XYLT1: variants seen among roughly 807,000 people sequenced by gnomAD.
XYLT1 encodes beta-D-xylosyltransferase 1.
Under a neutral mutation model 91.3 loss-of-function variants are expected in XYLT1, and 36 were observed. The ratio of observed to expected loss-of-function variants is 0.39; its 90% CI spans 0.30 to 0.52. The LOEUF is 0.52. Ranked by LOEUF, XYLT1 falls within the 20% of genes least tolerant of loss-of-function variation. XYLT1 has a pLI of 0.68. For missense variants in XYLT1, 1,242 were observed against 1,284.5 expected, an observed-to-expected ratio of 0.97 and a Z score of 0.51; for synonymous variants, 588 against 532.0, an observed-to-expected ratio of 1.11 and a Z score of -1.45.
At chr16:17,224,117 G>C (rs1597204471) in intron 3 of XYLT1, among the ~76,000 whole-genome samples, 1 of 152,162 alleles carries the variant, frequency 6.6e-6, no homozygotes, top group East Asian at 1.9e-4. Flanking sequence ...AAATGGAAAG[G>C]AAATACTGAA....
chr16:17,173,320 G>A (rs576664866), intron 5 of XYLT1, among the ~76,000 whole-genome samples: 2 of 152,356 alleles, frequency 1.3e-5, no homozygotes, highest in African/African-American at 4.8e-5. Context: ...TATGAGTCAC[G>A]TGCTGTTTCA....
chr16:17,409,572 T>C (rs190073891), intron 1 of XYLT1, among the ~76,000 whole-genome samples: 7 of 142,562 alleles, frequency 4.9e-5, no homozygotes, highest in Admixed American at 7.4e-5. Flanking sequence ...TTTTTTTAGA[T>C]GGAGTCTCAC....
intron 3 of XYLT1, among the ~76,000 whole-genome samples, chr16:17,218,170 A>T (rs4780709): frequency 0.29 from 43,451 of 151,656 alleles, 7,381 homozygotes; most frequent in East Asian, 0.53. Context: ...AGGCAGGAGA[A>T]CTGCTTGAAC....
intron 3 of XYLT1, among the ~76,000 whole-genome samples, chr16:17,234,743 A>C (rs1441945816): frequency 6.7e-6 from 1 of 148,888 alleles, no homozygotes; most frequent in Non-Finnish European, 1.5e-5. Context: ...TGCAACCCTA[A>C]GGTTCAAGTC....
At chr16:17,254,351 T>C (rs185304411) in intron 3 of XYLT1, among the ~76,000 whole-genome samples, 25 of 152,314 alleles carry the variant, frequency 1.6e-4, no homozygotes, top group African/African-American at 6.0e-4. Context: ...CTCCTCCTTA[T>C]GATTTTCTTA....
chr16:17,438,317 A>C (rs1441494378), intron 1 of XYLT1, among the ~76,000 whole-genome samples: 1 of 152,200 alleles, frequency 6.6e-6, no homozygotes, highest in Non-Finnish European at 1.5e-5. Flanking sequence ...TATTTCATTC[A>C]ATATGGTAAT....
intron 5 of XYLT1, among the ~76,000 whole-genome samples, chr16:17,164,570 C>T (rs2031634736): frequency 6.6e-6 from 1 of 152,138 alleles, no homozygotes; most frequent in African/African-American, 2.4e-5. Flanking sequence ...CATTCTACTT[C>T]CTCTCTGCTA....
intron 2 of XYLT1, among the ~76,000 whole-genome samples, chr16:17,290,240 T>G (rs2034201226): frequency 6.6e-6 from 1 of 152,266 alleles, no homozygotes; most frequent in Non-Finnish European, 1.5e-5. Context: ...TTAGGGTTAG[T>G]GTCAAACTTT....
At chr16:17,157,355 C>T (rs1355881623) in intron 6 of XYLT1, among the ~76,000 whole-genome samples, 2 of 151,896 alleles carry the variant, frequency 1.3e-5, no homozygotes, top group African/African-American at 4.8e-5. Context: ...AAATGACACT[C>T]CCACCAACAA....
At chr16:17,337,088 G>A (rs1424958311) in intron 2 of XYLT1, among the ~76,000 whole-genome samples, 1 of 152,132 alleles carries the variant, frequency 6.6e-6, no homozygotes, top group African/African-American at 2.4e-5. Context: ...AGTACAGGGT[G>A]GGTTTTTTGG....
chr16:17,399,287 C>G (rs2035933478), intron 1 of XYLT1, among the ~76,000 whole-genome samples: 1 of 152,090 alleles, frequency 6.6e-6, no homozygotes, highest in Non-Finnish European at 1.5e-5. Flanking sequence ...CTCCTCCCCA[C>G]AAAGGGTAAA....
intron 2 of XYLT1, among the ~76,000 whole-genome samples, chr16:17,288,950 A>G (rs555440536): frequency 6.6e-6 from 1 of 152,346 alleles, no homozygotes; most frequent in South Asian, 2.1e-4. Flanking sequence ...TACAATAAAT[A>G]GATTTTTTTA....
At chr16:17,335,528 T>TA (rs1469951528) in intron 2 of XYLT1, among the ~76,000 whole-genome samples, 1 of 150,394 alleles carries the variant, frequency 6.6e-6, no homozygotes, top group African/African-American at 2.5e-5. Context: ...ATATCTCTAC[T>TA]AAAAATACAA....
intron 3 of XYLT1, among the ~76,000 whole-genome samples, chr16:17,245,813 C>T (rs2033426849): frequency 6.6e-6 from 1 of 152,160 alleles, no homozygotes; most frequent in African/African-American, 2.4e-5. Flanking sequence ...TACACTAACA[C>T]AAATATACCA....
At chr16:17,307,073 T>TTTG (rs560076174) in intron 2 of XYLT1, among the ~76,000 whole-genome samples, 2,011 of 151,894 alleles carry the variant, frequency 0.013, 38 homozygotes, top group African/African-American at 0.044. Flanking sequence ...TTGTGGGGTT[T>TTTG]TTGTTGTTGT....
chr16:17,187,559 G>C (rs1444869691), intron 5 of XYLT1, among the ~76,000 whole-genome samples: 1 of 96,802 alleles, frequency 1.0e-5, no homozygotes, highest in Non-Finnish European at 1.8e-5. Context: ...AGAGCCAAAC[G>C]CTGTCTCAAA....
intron 2 of XYLT1, among the ~76,000 whole-genome samples, chr16:17,346,698 T>G (rs757691548): frequency 4.9e-4 from 74 of 152,342 alleles, no homozygotes; most frequent in Admixed American, 9.1e-4. Flanking sequence ...TGCCTGATTC[T>G]AACTGGGCCA....
chr16:17,176,304 A>T (rs1567308828), intron 5 of XYLT1, among the ~76,000 whole-genome samples: 1 of 152,200 alleles, frequency 6.6e-6, no homozygotes, highest in African/African-American at 2.4e-5. Flanking sequence ...CATCACTATC[A>T]TCGTTTCTCG....
intron 6 of XYLT1, among the ~76,000 whole-genome samples, chr16:17,147,053 T>C (rs996906281): frequency 3.3e-5 from 5 of 152,192 alleles, no homozygotes; most frequent in Admixed American, 6.5e-5. Flanking sequence ...TAAATCCCTA[T>C]AGGGGTCAGA....
Sources: gnomAD v4.1 joint callset for allele counts (sites outside exome capture counted in the v4.1 genomes callset) on GRCh38, gnomAD v4.1.1 for gene constraint, MANE v1.5 for transcripts, NCBI Gene and HGNC (gene_info 2026-07-23, HGNC 2026-07-21) for gene names.